Variants in PLXNA4 observed in about 807,000 individuals in gnomAD.
PLXNA4 encodes the protein plexin A4, also known as plexin-A4.
PLXNA4 carries 44 observed loss-of-function variants against 191.8 expected under a neutral mutation model. That is an observed-to-expected ratio of 0.23 (90% CI 0.18 to 0.29). PLXNA4 has a LOEUF of 0.29. Ranked by LOEUF, PLXNA4 falls within the 10% of genes least tolerant of loss-of-function variation. The probability of loss-of-function intolerance (pLI) is 1.00; values close to 1 mark genes in which losing one functional copy is unlikely to be tolerated. For missense variants in PLXNA4, 1,800 were observed against 2,488.8 expected (o/e 0.72, Z 5.89); for synonymous variants, 1,082 against 1,009.5 (o/e 1.07, Z -1.36).
At chr7:132,260,079 C>T (rs1562996975) in intron 4 of PLXNA4, among the ~76,000 whole-genome samples, 1 of 152,008 alleles carries the variant, frequency 6.6e-6, no homozygotes, top group Non-Finnish European at 1.5e-5. Flanking sequence ...ATTAGTTCAG[C>T]CCCTGTGGAA....
chr7:132,334,275 T>TTTTTTTA (rs1802724794), intron 3 of PLXNA4, among the ~76,000 whole-genome samples: 1 of 141,144 alleles, frequency 7.1e-6, no homozygotes, highest in African/African-American at 2.6e-5. Flanking sequence ...TTTTTTTTTT[T>TTTTTTTA]GAGATAGGGT....
At chr7:132,589,708 C>T (rs1294156797) in intron 2 of PLXNA4, among the ~76,000 whole-genome samples, 2 of 152,308 alleles carry the variant, frequency 1.3e-5, no homozygotes, top group East Asian at 1.9e-4. Context: ...GTGCAACATA[C>T]ATTCTGGATG....
chr7:132,495,221 C>A (rs1302012618), intron 2 of PLXNA4, among the ~76,000 whole-genome samples: 1 of 152,176 alleles, frequency 6.6e-6, no homozygotes, highest in Non-Finnish European at 1.5e-5. Flanking sequence ...CCCTGGCTTG[C>A]CCCACCTTTG....
chr7:132,175,170 G>A (rs181743746), intron 20 of PLXNA4, among the ~76,000 whole-genome samples: 5 of 152,272 alleles, frequency 3.3e-5, no homozygotes, highest in Admixed American at 1.3e-4. Context: ...GTGTGATGAT[G>A]TGGGGTGGTG....
At chr7:132,226,856 C>T (rs1406093324) in intron 7 of PLXNA4, among the ~76,000 whole-genome samples, 1 of 152,222 alleles carries the variant, frequency 6.6e-6, no homozygotes, top group Non-Finnish European at 1.5e-5. Context: ...CCCTGAGAGC[C>T]TCATTAATCA....
At chr7:132,132,792 A>G (rs1795007563) in intron 31 of PLXNA4, among the ~76,000 whole-genome samples, 1 of 152,216 alleles carries the variant, frequency 6.6e-6, no homozygotes, top group African/African-American at 2.4e-5. Context: ...AGAGAAAATA[A>G]GAATTAAAAA....
intron 1 of PLXNA4, among the ~76,000 whole-genome samples, chr7:132,567,085 C>T (rs1801763906): frequency 2.0e-5 from 3 of 152,130 alleles, no homozygotes; most frequent in African/African-American, 4.8e-5. Context: ...AACGGATCCC[C>T]ATGGCCCAAT....
chr7:132,454,336 C>G (rs374837447), intron 3 of PLXNA4, among the ~76,000 whole-genome samples: 2 of 152,140 alleles, frequency 1.3e-5, no homozygotes, highest in Admixed American at 1.3e-4. Flanking sequence ...TTCTTAAGAA[C>G]AACAACAAGA....
At chr7:132,322,296 C>A (rs1802203002) in intron 3 of PLXNA4, among the ~76,000 whole-genome samples, 1 of 151,478 alleles carries the variant, frequency 6.6e-6, no homozygotes, top group Non-Finnish European at 1.5e-5. Context: ...ATTCTTGTGC[C>A]TCTGCCTCCC....
At chr7:132,413,021 G>GT (rs1388226484) in intron 3 of PLXNA4, among the ~76,000 whole-genome samples, 1 of 151,984 alleles carries the variant, frequency 6.6e-6, no homozygotes, top group South Asian at 2.1e-4. Context: ...TTGATAGATG[G>GT]GGGGTGGAGA....
chr7:132,151,246 A>AGAGGAAGAAGGAGGAG, intron 25 of PLXNA4, among the ~76,000 whole-genome samples: 1 of 144,634 alleles, frequency 6.9e-6, no homozygotes, highest in African/African-American at 2.7e-5. Flanking sequence ...AAGAGGATGA[A>AGAGGAAGAAGGAGGAG]GAGGAAGAAG....
In PLXNA4 at chr7:132,444,359, A is replaced by G. The variant is rs1010012178; in HGVS notation, c.1371+44933T>C. On this transcript the variant is annotated intron_variant, in intron 3 of 31. Coordinates refer to ENST00000321063, the MANE Select transcript of PLXNA4 (RefSeq NM_020911.2). The stretch of plus-strand genomic sequence containing the variant: ...AACCACCTCCTCCTGGGTTCAAGCG[A>G]TTCTCCTCCCTCAGCCTCCCGAGTA... 5.9e-5 allele frequency among the ~76,000 whole-genome samples: 9 copies of G among 152,280 alleles called. No individual in the cohort carries two copies. In the East Asian group the frequency reaches 1.4e-3, roughly 23 times the overall value.
intron 2 of PLXNA4, among the ~76,000 whole-genome samples, chr7:132,607,361 C>A (rs1165518738): frequency 2.0e-5 from 3 of 152,204 alleles, no homozygotes; most frequent in Non-Finnish European, 2.9e-5. Context: ...AACCCTGGAT[C>A]TCCTTTTGCG....
intron 4 of PLXNA4, among the ~76,000 whole-genome samples, chr7:132,251,294 G>C (rs1244200255): frequency 6.6e-6 from 1 of 152,122 alleles, no homozygotes; most frequent in Non-Finnish European, 1.5e-5. Flanking sequence ...TTATCTTTTA[G>C]CAAATGACAC....
chr7:132,359,270 G>A (rs112881626), intron 3 of PLXNA4, among the ~76,000 whole-genome samples: 7,638 of 146,464 alleles, frequency 0.052, 234 homozygotes, highest in African/African-American at 0.068. Flanking sequence ...CACGCAGGCT[G>A]GAGTACAGTG....
At chr7:132,586,941 A>G (rs1802515928) in intron 2 of PLXNA4, among the ~76,000 whole-genome samples, 1 of 152,184 alleles carries the variant, frequency 6.6e-6, no homozygotes, top group Non-Finnish European at 1.5e-5. Context: ...AACCAAAAAC[A>G]AAGTATGAGC....
intron 7 of PLXNA4, among the ~76,000 whole-genome samples, chr7:132,227,189 C>T (rs1418433932): frequency 6.6e-6 from 1 of 152,242 alleles, no homozygotes; most frequent in Non-Finnish European, 1.5e-5. Context: ...CCCACCCTCT[C>T]TGCAGCTGTT....
rs1794744636 is a variant in PLXNA4, at chr7:132,125,549, A to AAGAT, written c.*4926_*4929dup. 1 of 152,158 alleles carries AAGAT rather than the reference A, an allele frequency of 6.6e-6. No homozygotes were observed. The highest frequency in any genetic ancestry group is 2.1e-4 in the South Asian group (1 of 4,824). The allele number at this position is 152,158 out of a possible 1,614,324, so 9.4% of individuals were successfully genotyped here. On this transcript the variant is annotated 3_prime_UTR_variant, in exon 32 of 32. Coordinates refer to ENST00000321063, the MANE Select transcript of PLXNA4 (RefSeq NM_020911.2). ...GCTCCCTTCTTACTTTCGAACTATT[A>AAGAT]AGATATACAAACAAAAACCAAACAA...
At chr7:132,373,700 T>A (rs1170850654) in intron 3 of PLXNA4, among the ~76,000 whole-genome samples, 1 of 152,168 alleles carries the variant, frequency 6.6e-6, no homozygotes, top group Non-Finnish European at 1.5e-5. Flanking sequence ...AATTTTTGGC[T>A]TTTTAGCAGT....
Sources: gnomAD v4.1 joint callset for allele counts (sites outside exome capture counted in the v4.1 genomes callset) on GRCh38, gnomAD v4.1.1 for gene constraint, MANE v1.5 for transcripts, NCBI Gene and HGNC (gene_info 2026-07-23, HGNC 2026-07-21) for gene names.